NKAIN2: variants seen among roughly 807,000 people sequenced by gnomAD.
NKAIN2 encodes sodium/potassium-transporting ATPase subunit beta-1-interacting protein 2.
Under a neutral mutation model 32.6 loss-of-function variants are expected in NKAIN2, and 14 were observed. The ratio of observed to expected loss-of-function variants is 0.43; its 90% CI spans 0.28 to 0.67. The LOEUF (loss-of-function observed/expected upper bound fraction) is 0.67, where lower values mean the gene tolerates loss of function less well. Among genes scored for constraint, NKAIN2 ranks in the 30% least tolerant of loss-of-function variants. The pLI, the probability that NKAIN2 is intolerant of heterozygous loss-of-function variation, is 0.17. For synonymous variants in NKAIN2, 80 were observed against 87.2 expected (o/e 0.92, Z 0.46); for missense variants, 198 against 258.3 (o/e 0.77, Z 1.60).
chr6:124,646,398 T>G (rs1371322502), intron 3 of NKAIN2, among the ~76,000 whole-genome samples: 1 of 151,910 alleles, frequency 6.6e-6, no homozygotes, highest in Non-Finnish European at 1.5e-5. Flanking sequence ...AAAGAAAAGA[T>G]AAGAAGGTGA....
chr6:124,195,419 T>G (rs1478371513), intron 1 of NKAIN2, among the ~76,000 whole-genome samples: 1 of 152,172 alleles, frequency 6.6e-6, no homozygotes, highest in Non-Finnish European at 1.5e-5. Flanking sequence ...AACTATCCCC[T>G]GCTGTTCAGT....
intron 1 of NKAIN2, among the ~76,000 whole-genome samples, chr6:124,226,631 T>C (rs1008680367): frequency 1.3e-5 from 2 of 152,074 alleles, no homozygotes; most frequent in Non-Finnish European, 2.9e-5. Context: ...TTTTATATTA[T>C]TATTTTTTGA....
At chr6:124,713,693 T>A (rs376252765) in intron 4 of NKAIN2, among the ~76,000 whole-genome samples, 1 of 152,194 alleles carries the variant, frequency 6.6e-6, no homozygotes, top group African/African-American at 2.4e-5. Flanking sequence ...TGTCTTCACA[T>A]GTTAGAAAAG....
At chr6:124,141,656 G>A (rs1161253711) in intron 1 of NKAIN2, among the ~76,000 whole-genome samples, 1 of 151,892 alleles carries the variant, frequency 6.6e-6, no homozygotes, top group African/African-American at 2.4e-5. Flanking sequence ...TTAAGTGTGG[G>A]AACTGGATTT....
At chr6:124,682,215 T>C (rs996004002) in intron 4 of NKAIN2, among the ~76,000 whole-genome samples, 2 of 151,650 alleles carry the variant, frequency 1.3e-5, no homozygotes, top group African/African-American at 4.8e-5. Flanking sequence ...TAAATGATCA[T>C]GAAATGGCTA....
At chr6:123,885,153 A>G (rs1218708977) in intron 1 of NKAIN2, among the ~76,000 whole-genome samples, 1 of 152,160 alleles carries the variant, frequency 6.6e-6, no homozygotes, top group Non-Finnish European at 1.5e-5. Context: ...ACATTTTTGT[A>G]TGCATATTTA....
chr6:124,514,412 C>T lies in NKAIN2; in HGVS notation c.274-143774C>T, dbSNP rs374791175. 6.6e-5 allele frequency among the ~76,000 whole-genome samples: 10 copies of T among 152,224 alleles called. No individual in the cohort carries two copies. The South Asian group carries it at 8.3e-4, about 13-fold the overall frequency. On this transcript the variant is annotated intron_variant, in intron 3 of 6. Coordinates refer to ENST00000368417, the MANE Select transcript of NKAIN2 (RefSeq NM_001040214.3). Reference sequence around the variant, plus strand: ...CCTTTCTCTAGGGCAGTGACTCTTTCGTTTACAATTAAAGCATCTGGACGT... The same window carrying T: ...CCTTTCTCTAGGGCAGTGACTCTTTTGTTTACAATTAAAGCATCTGGACGT...
intron 1 of NKAIN2, among the ~76,000 whole-genome samples, chr6:124,157,266 CAT>C (rs71021480): frequency 0.36 from 30,220 of 84,280 alleles, 3,458 homozygotes; most frequent in East Asian, 0.46. Flanking sequence ...CACACACACA[CAT>C]ACACACACAC....
intron 4 of NKAIN2, among the ~76,000 whole-genome samples, chr6:124,728,050 T>G (rs145558309): frequency 0.12 from 18,650 of 151,306 alleles, 1,498 homozygotes; most frequent in East Asian, 0.34. Context: ...GCACCCGGAT[T>G]AATAAAGCAA....
chr6:123,852,001 T>G (rs192387449), intron 1 of NKAIN2, among the ~76,000 whole-genome samples: 1 of 152,340 alleles, frequency 6.6e-6, no homozygotes, highest in Non-Finnish European at 1.5e-5. Flanking sequence ...CTTATGCTTT[T>G]GGGATCATAT....
At chr6:124,024,983 C>CAA (rs60803472) in intron 1 of NKAIN2, among the ~76,000 whole-genome samples, 22,420 of 141,932 alleles carry the variant, frequency 0.16, 1,743 homozygotes, top group Middle Eastern at 0.23. Flanking sequence ...GATTCCGTCT[C>CAA]AAAAAAAAAA....
intron 1 of NKAIN2, among the ~76,000 whole-genome samples, chr6:124,271,336 C>A (rs551554250): frequency 1.7e-4 from 26 of 152,276 alleles, no homozygotes; most frequent in African/African-American, 6.3e-4. Flanking sequence ...CCTGCCTCAG[C>A]CTCCCAAGTA....
At chr6:123,833,885 G>A (rs536802764) in intron 1 of NKAIN2, among the ~76,000 whole-genome samples, 33 of 151,700 alleles carry the variant, frequency 2.2e-4, no homozygotes, top group African/African-American at 8.0e-4. Context: ...GCGCCACCAT[G>A]CCTGGCTACT....
chr6:124,803,788 G>A (rs1242138698), intron 5 of NKAIN2, among the ~76,000 whole-genome samples: 2 of 152,022 alleles, frequency 1.3e-5, no homozygotes, highest in Admixed American at 6.6e-5. Flanking sequence ...TACTCTCCTA[G>A]CCTTGGAAAT....
rs189978609 is a variant in NKAIN2, at chr6:124,528,315, G to T, written c.274-129871G>T. Among the ~76,000 whole-genome samples, 36 of 152,276 alleles carry T rather than the reference G, an allele frequency of 2.4e-4. No individual in the cohort carries two copies. The East Asian group carries it at 6.2e-3, about 26-fold the overall frequency. ...CCATTTAACTTCAGCACTTTGTTTT[G>T]CCCTAAGGTTCTCTTATTTATGCTG... On this transcript the variant is annotated intron_variant, in intron 3 of 6. Coordinates refer to ENST00000368417, the MANE Select transcript of NKAIN2 (RefSeq NM_001040214.3).
At chr6:124,335,442 C>T (rs1797825354) in intron 2 of NKAIN2, among the ~76,000 whole-genome samples, 1 of 152,110 alleles carries the variant, frequency 6.6e-6, no homozygotes, top group Non-Finnish European at 1.5e-5. Context: ...AGATAATTTA[C>T]ATATTTTAGA....
intron 4 of NKAIN2, among the ~76,000 whole-genome samples, chr6:124,672,622 T>C (rs1324246682): frequency 2.0e-5 from 3 of 152,068 alleles, no homozygotes; most frequent in African/African-American, 7.2e-5. Flanking sequence ...ATTTATAATA[T>C]ATCAGATATT....
chr6:123,916,305 T>A (rs554460197), intron 1 of NKAIN2, among the ~76,000 whole-genome samples: 1 of 152,246 alleles, frequency 6.6e-6, no homozygotes, highest in African/African-American at 2.4e-5. Flanking sequence ...CAGGCTGGAG[T>A]GCAGTGGTGC....
At chr6:124,037,413 A>G (rs1781651634) in intron 1 of NKAIN2, among the ~76,000 whole-genome samples, 1 of 152,158 alleles carries the variant, frequency 6.6e-6, no homozygotes, top group African/African-American at 2.4e-5. Flanking sequence ...GTCATAAATT[A>G]GCACCAGTGA....
Sources: allele counts gnomAD v4.1 joint callset (sites outside exome capture counted in the v4.1 genomes callset), GRCh38; gene constraint gnomAD v4.1.1; transcripts MANE v1.5; gene names NCBI Gene and HGNC (gene_info 2026-07-23, HGNC 2026-07-21).